The following VWF variants were observed in gnomAD, a reference collection of about 807,000 sequenced individuals.
The protein encoded by VWF is Factor VIII related antigen.
Under a neutral mutation model 308.6 loss-of-function variants are expected in VWF, and 176 were observed. That is an observed-to-expected ratio of 0.57 (90% CI 0.50 to 0.65). The LOEUF is 0.65. Ranked by LOEUF, VWF falls within the 30% of genes least tolerant of loss-of-function variation. The pLI is 0.00. For missense variants in VWF, 3,146 were observed against 3,648.2 expected, an observed-to-expected ratio of 0.86 and a Z score of 3.55; for synonymous variants, 1,385 against 1,443.4, an observed-to-expected ratio of 0.96 and a Z score of 0.92.
rs1943781206 is a variant in VWF, at chr12:5,994,211, A to G, written c.6257-8T>C. On this transcript the variant is annotated splice_region_variant and splice_polypyrimidine_tract_variant and intron_variant, in intron 36 of 51. Transcript: ENST00000261405. ...CGTTCTCATCACAGATCCCTAGAGA[A>G]ACAAACAAACAAAAAAAAGATAAAC... 1.2e-6 allele frequency: 2 copies of G among 1,613,698 alleles called. No individual in the cohort carries two copies. Among genetic ancestry groups the G allele is most frequent in the Non-Finnish European group, 1.7e-6 (2 of 1,179,846 alleles).
rs375668263 is a variant in VWF, at chr12:5,998,221, G to A, written c.5843-1999C>T. On this transcript the variant is annotated intron_variant, in intron 34 of 51. Coordinates refer to ENST00000261405, the MANE Select transcript of VWF (RefSeq NM_000552.5). The stretch of plus-strand genomic sequence containing the variant: ...AGCTATTAATATTGTCAAGTTGGCC[G>A]GGCACAGTGGCTCATACCTGTAATC... Among the ~76,000 whole-genome samples, 26 of 151,774 alleles carry A rather than the reference G, an allele frequency of 1.7e-4. No homozygotes were observed. The East Asian group carries it at 2.5e-3, about 15-fold the overall frequency.
At chr12:6,101,886 G>T (rs990539111) in intron 5 of VWF, among the ~76,000 whole-genome samples, 2 of 150,670 alleles carry the variant, frequency 1.3e-5, no homozygotes, top group Admixed American at 1.3e-4. Context: ...AAGATAGGAA[G>T]CATCAGGGCC....
At position 6,034,787 on chromosome 12, in the gene VWF, C is replaced by A. The variant is rs34510401; in HGVS notation, c.2586G>T (p.Val862=). The A allele has an allele frequency of 1.3e-3, 2,130 of 1,614,248 alleles. 18 individuals are homozygous for A. Among genetic ancestry groups the A allele is most frequent in the Middle Eastern group, 7.1e-3 (43 of 6,062 alleles). Residue 862 remains valine (V), a synonymous_variant, in exon 20 of 52, where the codon GTG becomes GTT. Transcript: ENST00000261405. ...CGATCGTGGAGCACGTGGCATCACA[C>A]ACATGGTCTGTGCAGTTCCACTTCC... The part of the protein sequence containing the change: ...QDRKWNCTDH[V]CDATCSTIGM...
intron 6 of VWF, among the ~76,000 whole-genome samples, chr12:6,083,618 C>T (rs945943069): frequency 6.6e-6 from 1 of 152,196 alleles, no homozygotes; most frequent in Admixed American, 6.5e-5. Flanking sequence ...CCTCATTTCC[C>T]TACCTGTGAA....
In VWF at chr12:6,024,340, C is replaced by T. The variant is rs1446543544; in HGVS notation, c.3223-553G>A. ...CCAACCCTTCCTCATCCCCAAAACACGCCTCTAAACACACTGGACTTTTTC... is the reference window on the plus strand; with the variant it reads ...CCAACCCTTCCTCATCCCCAAAACATGCCTCTAAACACACTGGACTTTTTC... On this transcript the variant is annotated intron_variant, in intron 24 of 51. Coordinates refer to ENST00000261405, the MANE Select transcript of VWF (RefSeq NM_000552.5). This position sits in a 1 kb window ranked among gnomAD's most constrained non-coding sequence, Gnocchi z 4.0. Among the ~76,000 whole-genome samples, 11 of 152,330 alleles carry T rather than the reference C, an allele frequency of 7.2e-5. No individual in the cohort carries two copies. The highest frequency in any genetic ancestry group is 2.6e-4 in the Admixed American group (4 of 15,306).
intron 3 of VWF, 124 bp from the exon 4 acceptor site, chr12:6,111,092 C>T (rs1317480104): frequency 2.3e-5 from 19 of 822,686 alleles, no homozygotes; most frequent in East Asian, 5.5e-5. Flanking sequence ...TCTTTACAAG[C>T]GAGCAACAAA....
intron 34 of VWF, among the ~76,000 whole-genome samples, chr12:6,005,659 G>A (rs976882661): frequency 2.6e-5 from 4 of 152,212 alleles, no homozygotes; most frequent in Admixed American, 6.5e-5. Flanking sequence ...GGGCCACAAT[G>A]AGACTATCAA....
At chr12:6,022,122 T>C in intron 26 of VWF, 87 bp from the exon 27 acceptor site, 1 of 1,591,282 alleles carries the variant, frequency 6.3e-7, no homozygotes. Flanking sequence ...AGGAGCCAAC[T>C]CCTCCTCCTG....
intron 16 of VWF, among the ~76,000 whole-genome samples, chr12:6,047,858 C>T (rs1258240044): frequency 2.0e-5 from 3 of 152,222 alleles, no homozygotes; most frequent in Admixed American, 2.0e-4. Flanking sequence ...TCACCTGCTC[C>T]TTACCACCAC....
chr12:6,033,100 T>C (rs1466202005), intron 20 of VWF, among the ~76,000 whole-genome samples: 1 of 152,212 alleles, frequency 6.6e-6, no homozygotes, highest in African/African-American at 2.4e-5. Flanking sequence ...ATCTGACCTC[T>C]AAGATTCCAT....
At chr12:6,043,254 T>C (rs537148310) in intron 18 of VWF, among the ~76,000 whole-genome samples, 1 of 152,328 alleles carries the variant, frequency 6.6e-6, no homozygotes, top group Admixed American at 6.5e-5. Context: ...AAAGTAAGCA[T>C]CTGTCCTTCA....
At chr12:6,116,477 C>T (rs1945367990) in intron 3 of VWF, among the ~76,000 whole-genome samples, 1 of 152,228 alleles carries the variant, frequency 6.6e-6, no homozygotes, top group African/African-American at 2.4e-5. Context: ...AGGTGACCCT[C>T]CCTCCAAACT....
In VWF at chr12:6,019,412, G is replaced by A. The variant is rs1565832211; in HGVS notation, c.4006C>T (p.Arg1336Ter). 11 of 1,613,956 alleles carry A rather than the reference G, an allele frequency of 6.8e-6. No individual in the cohort carries two copies. Among genetic ancestry groups the A allele is most frequent in the East Asian group, 2.2e-5 (1 of 44,882 alleles). The change falls in exon 28 of 52, where the codon CGA (arginine) becomes TGA (stop). Residue 1336 changes from arginine (R) to a stop codon, truncating the protein, a stop_gained. Transcript: ENST00000261405. LOFTEE classifies it high-confidence loss of function. The surrounding 1 kb of genome is among the most constrained non-coding windows in gnomAD (Gnocchi z 5.8). ...GCAATGCGCCGCAGCTCTGACGGTC[G>A]CTTCCGGTCCTTGAGCCCGATGTAG... ...HAYIGLKDRK[R>*]PSELRRIASQ... is the part of the protein sequence containing the mutation.
At chr12:6,057,787 T>G (rs967119876) in intron 14 of VWF, 62 bp downstream of exon 14, 2 of 1,523,080 alleles carry the variant, frequency 1.3e-6, no homozygotes, top group Admixed American at 2.0e-5. Flanking sequence ...CGGAACGCAC[T>G]GCACTAATGT....
chr12:5,956,371 G>A (rs1201896788), intron 47 of VWF, among the ~76,000 whole-genome samples: 1 of 152,202 alleles, frequency 6.6e-6, no homozygotes, highest in Non-Finnish European at 1.5e-5. Flanking sequence ...ACATCTCCAT[G>A]AGTGTTATTT....
intron 22 of VWF, among the ~76,000 whole-genome samples, chr12:6,027,832 A>C (rs1419638363): frequency 4.3e-5 from 6 of 138,314 alleles, no homozygotes; most frequent in African/African-American, 1.4e-4. Context: ...TAAAAAAACA[A>C]ATACATGGAA....
Position 6,056,954 on chromosome 12 carries a change from C to A in VWF, c.1848G>T (p.Ser616=), listed in dbSNP as rs372835093. The change falls in exon 15 of 52, where the codon TCG becomes TCT. Residue 616 remains serine, a synonymous_variant. Coordinates refer to ENST00000261405, the MANE Select transcript of VWF (RefSeq NM_000552.5). ...RNCRYDVCSC[S]DGRECLCGAL... The stretch of plus-strand genomic sequence containing the variant: ...CGCCGCACAGGCACTCGCGGCCGTC[C>A]GAGCAGGAGCACACGTCGTAGCGGC... 1 of 1,538,636 alleles carries A rather than the reference C, an allele frequency of 6.5e-7. No individual in the cohort carries two copies. The highest frequency in any genetic ancestry group is 1.2e-5 in the South Asian group (1 of 83,982).
chr12:6,043,886 T>C (rs1273166087), intron 18 of VWF, among the ~76,000 whole-genome samples: 2 of 152,250 alleles, frequency 1.3e-5, no homozygotes, highest in African/African-American at 4.8e-5. Context: ...TAGAAAATTA[T>C]ATGCATATAC....
rs1254154100 is a variant in VWF at position 5,981,967 on chromosome 12, C to G, written c.7106G>C (p.Arg2369Thr). ...TCACRKEECK[R>T]VSPPSCPPHR... is the part of the protein sequence containing the mutation. ...CGGGGGGCAGGAGGGTGGGGACACT[C>G]TTTTGCACTCCTCCTTCCTGCAGGC... The change falls in exon 42 of 52, where the codon AGA becomes ACA. Residue 2369 changes from arginine (R) to threonine (T), a missense_variant. Transcript: ENST00000261405. The G allele has an allele frequency of 1.9e-6, 3 of 1,613,726 alleles. No individual in the cohort carries two copies. Among genetic ancestry groups the G allele is most frequent in the Non-Finnish European group, 2.5e-6 (3 of 1,179,994 alleles).
Sources: gnomAD v4.1 joint callset for allele counts (sites outside exome capture counted in the v4.1 genomes callset) on GRCh38, gnomAD v4.1.1 for gene constraint, Gnocchi (gnomAD v3.1) non-coding constraint, MANE v1.5 for transcripts, NCBI Gene and HGNC (gene_info 2026-07-23, HGNC 2026-07-21) for gene names.